RFT1: variants seen among roughly 807,000 people sequenced by gnomAD.
The protein encoded by RFT1 is RFT1 glycolipid translocator homolog, also known as man(5)GlcNAc(2)-PP-dolichol translocation protein RFT1.
In RFT1, 43 loss-of-function variants were observed where a neutral mutation model predicts 62.2. The observed-to-expected ratio is 0.69, with a 90% CI of 0.54 to 0.89. RFT1 has a LOEUF of 0.89. Among genes scored for constraint, RFT1 ranks in the 40% least tolerant of loss-of-function variants. The pLI is 0.00. For missense variants in RFT1, 605 were observed against 649.9 expected, an observed-to-expected ratio of 0.93 and a Z score of 0.75; for synonymous variants, 262 against 264.6, an observed-to-expected ratio of 0.99 and a Z score of 0.10.
chr3:53,130,316 G>T, intron 1 of RFT1, 22 bp downstream of exon 1: 1 of 1,560,898 alleles, frequency 6.4e-7, no homozygotes, highest in Admixed American at 1.9e-5. Flanking sequence ...GTACAAGCTG[G>T]AACCTGAAGG....
At chr3:53,073,472 A>G in the RFT1 span, among the ~76,000 whole-genome samples, 4 of 151,956 alleles carry the variant, frequency 2.6e-5, no homozygotes, top group Admixed American at 6.6e-5. Context: ...AGGGAAGCAC[A>G]AGTGTGTGGC....
the RFT1 span, among the ~76,000 whole-genome samples, chr3:53,070,366 A>G: frequency 5.8e-5 from 8 of 137,930 alleles, no homozygotes; most frequent in Non-Finnish European, 6.2e-5. Flanking sequence ...TACAAGTGTG[A>G]GCCACCATGA....
chr3:53,123,850 A>G lies in RFT1; in HGVS notation c.150-10T>C. 1 of 1,603,780 alleles carries G rather than the reference A, an allele frequency of 6.2e-7. No homozygotes were observed. The highest frequency in any genetic ancestry group is 8.5e-7 in the Non-Finnish European group (1 of 1,170,660). On this transcript the variant is annotated splice_polypyrimidine_tract_variant and intron_variant, in intron 2 of 12. Coordinates refer to ENST00000296292, the MANE Select transcript of RFT1 (RefSeq NM_052859.4). ...GTAAAGCAGCGTTAGTCTGTAAATG[A>G]AAGGGAGAAATCAATAAGGTCTCAA...
chr3:53,081,028 G>A, the RFT1 span, among the ~76,000 whole-genome samples: 1 of 152,252 alleles, frequency 6.6e-6, no homozygotes, highest in Non-Finnish European at 1.5e-5. Flanking sequence ...GCCTAGGGGG[G>A]TCATAAGAAC....
chr3:53,080,978 T>G, the RFT1 span, among the ~76,000 whole-genome samples: 2 of 152,188 alleles, frequency 1.3e-5, no homozygotes, highest in Non-Finnish European at 2.9e-5. Context: ...AATATAGGGC[T>G]GTTGCAAGAA....
intron 1 of RFT1, among the ~76,000 whole-genome samples, chr3:53,128,601 C>G (rs1702176657): frequency 6.6e-6 from 1 of 152,226 alleles, no homozygotes; most frequent in Non-Finnish European, 1.5e-5. Context: ...AGGCCTCAAC[C>G]TCACAGACTC....
chr3:53,126,673 T>G (rs1013332763), intron 1 of RFT1, among the ~76,000 whole-genome samples: 6 of 152,096 alleles, frequency 3.9e-5, no homozygotes, highest in Non-Finnish European at 7.4e-5. Context: ...TTATTGCCGC[T>G]TGAAAGGGAC....
intron 11 of RFT1, among the ~76,000 whole-genome samples, chr3:53,098,574 G>A (rs1701212047): frequency 6.6e-6 from 1 of 152,042 alleles, no homozygotes; most frequent in African/African-American, 2.4e-5. Context: ...AGGCCAAGGC[G>A]GGAGAATCAC....
the RFT1 span, among the ~76,000 whole-genome samples, chr3:53,081,220 G>C: frequency 6.6e-6 from 1 of 152,220 alleles, no homozygotes; most frequent in Non-Finnish European, 1.5e-5. Context: ...TCTAGGCCAG[G>C]TGCCTTCTGC....
At chr3:53,118,021 C>T (rs971811019) in intron 6 of RFT1, among the ~76,000 whole-genome samples, 2 of 152,208 alleles carry the variant, frequency 1.3e-5, no homozygotes, top group African/African-American at 4.8e-5. Context: ...TCCTGAGTAG[C>T]TGGGACTACA....
At chr3:53,081,457 G>T in the RFT1 span, among the ~76,000 whole-genome samples, 1 of 152,202 alleles carries the variant, frequency 6.6e-6, no homozygotes, top group African/African-American at 2.4e-5. Flanking sequence ...TGTGGGTCAA[G>T]TGGACACCCA....
intron 1 of RFT1, among the ~76,000 whole-genome samples, chr3:53,127,524 A>G (rs967553290): frequency 6.6e-6 from 1 of 151,466 alleles, no homozygotes; most frequent in Non-Finnish European, 1.5e-5. Context: ...ACACGGTGAA[A>G]CCCCGCCTCT....
chr3:53,101,010 G>A (rs1292905573), intron 10 of RFT1, among the ~76,000 whole-genome samples: 1 of 152,138 alleles, frequency 6.6e-6, no homozygotes, highest in Non-Finnish European at 1.5e-5. Context: ...GAGGGGGACT[G>A]AAGTTCCGGA....
intron 10 of RFT1, among the ~76,000 whole-genome samples, chr3:53,100,312 C>T (rs1263260048): frequency 6.6e-6 from 1 of 152,228 alleles, no homozygotes; most frequent in Non-Finnish European, 1.5e-5. Flanking sequence ...GAAAAATCTT[C>T]TAAGCAGAGA....
At chr3:53,114,634 A>G (rs1477479980) in intron 6 of RFT1, among the ~76,000 whole-genome samples, 1 of 152,126 alleles carries the variant, frequency 6.6e-6, no homozygotes, top group Non-Finnish European at 1.5e-5. Flanking sequence ...GGGGCGGTCA[A>G]AAGAGGCCTA....
rs555709106 is a variant in RFT1 at position 53,092,080 on chromosome 3, G to A, written c.1459-10C>T. 1 of 1,614,180 alleles carries A rather than the reference G, an allele frequency of 6.2e-7. No homozygotes were observed. ...CACAGCAGAGGAATACCTGGGGAAA[G>A]AAACCATTGTCAGTGCCTGTTCCTC... On this transcript the variant is annotated splice_polypyrimidine_tract_variant and intron_variant, in intron 12 of 12. Transcript: ENST00000296292.
intron 8 of RFT1, 105 bp from the exon 9 acceptor site, chr3:53,105,908 T>C: frequency 8.9e-7 from 1 of 1,120,422 alleles, no homozygotes; most frequent in Non-Finnish European, 1.3e-6. Flanking sequence ...TTGTTTATCT[T>C]GAGATAATTA....
the RFT1 span, among the ~76,000 whole-genome samples, chr3:53,072,801 C>G: frequency 1.3e-5 from 2 of 152,232 alleles, no homozygotes; most frequent in Admixed American, 1.3e-4. Context: ...CTCATCTGCT[C>G]AACAACCCTT....
chr3:53,067,738 C>T, the RFT1 span, among the ~76,000 whole-genome samples: 2,046 of 152,296 alleles, frequency 0.013, 28 homozygotes, highest in South Asian at 0.037. Flanking sequence ...GGCAGTGGCC[C>T]TGGGCCTGCA....
Sources: allele counts gnomAD v4.1 joint callset (sites outside exome capture counted in the v4.1 genomes callset), GRCh38; gene constraint gnomAD v4.1.1; transcripts MANE v1.5; gene names NCBI Gene and HGNC (gene_info 2026-07-23, HGNC 2026-07-21).